The following GRIN2B variants were observed in gnomAD, a reference collection of about 807,000 sequenced individuals.
GRIN2B encodes glutamate ionotropic receptor NMDA type subunit 2B.
In GRIN2B, 5 loss-of-function variants were observed where a neutral mutation model predicts 114.5. The observed-to-expected ratio is 0.04, with a 90% CI of 0.02 to 0.09. GRIN2B has a LOEUF of 0.09. Ranked by LOEUF, GRIN2B falls within the 10% of genes least tolerant of loss-of-function variation. The probability of loss-of-function intolerance (pLI) is 1.00; values close to 1 mark genes in which losing one functional copy is unlikely to be tolerated. For synonymous variants in GRIN2B, 787 were observed against 745.1 expected (o/e 1.06, Z -0.92); for missense variants, 1,108 against 1,943.5 (o/e 0.57, Z 8.08).
intron 5 of GRIN2B, among the ~76,000 whole-genome samples, chr12:13,627,508 G>A (rs530255292): frequency 1.3e-5 from 2 of 152,234 alleles, no homozygotes; most frequent in Non-Finnish European, 2.9e-5. Flanking sequence ...GGTGGCAGTA[G>A]TGACATTTAT....
At chr12:13,847,617 G>T (rs949998856) in intron 3 of GRIN2B, among the ~76,000 whole-genome samples, 2 of 152,088 alleles carry the variant, frequency 1.3e-5, no homozygotes, top group East Asian at 3.9e-4. Context: ...CAGGAGATGG[G>T]GGGGAGGACA....
At chr12:13,710,409 T>A (rs1411045863) in intron 4 of GRIN2B, among the ~76,000 whole-genome samples, 1 of 152,006 alleles carries the variant, frequency 6.6e-6, no homozygotes, top group South Asian at 2.1e-4. Context: ...AAATAAAGGG[T>A]ATTCAATTAG....
At chr12:13,783,342 G>T (rs149356431) in intron 3 of GRIN2B, among the ~76,000 whole-genome samples, 1 of 152,180 alleles carries the variant, frequency 6.6e-6, no homozygotes, top group East Asian at 1.9e-4. Flanking sequence ...TCTACTTTCC[G>T]CTTATAGGCA....
intron 4 of GRIN2B, among the ~76,000 whole-genome samples, chr12:13,688,207 AAAAG>A (rs1407167484): frequency 3.9e-5 from 6 of 152,196 alleles, no homozygotes. Flanking sequence ...AGTAGAGAAG[AAAAG>A]AAAGAAGCCA....
At chr12:13,736,560 C>T (rs758269461) in intron 4 of GRIN2B, among the ~76,000 whole-genome samples, 4 of 151,862 alleles carry the variant, frequency 2.6e-5, no homozygotes, top group East Asian at 1.9e-4. Flanking sequence ...CTTTGTGTGT[C>T]GGTGATATGA....
chr12:13,835,505 C>T lies in GRIN2B; in HGVS notation c.411+30293G>A, dbSNP rs114593134. Among the ~76,000 whole-genome samples, 501 of 152,070 alleles carry T rather than the reference C, an allele frequency of 3.3e-3. 6 individuals are homozygous for T. Among genetic ancestry groups the T allele is most frequent in the South Asian group, 0.016 (79 of 4,796 alleles). On this transcript the variant is annotated intron_variant, in intron 3 of 13. Coordinates refer to ENST00000609686, the MANE Select transcript of GRIN2B (RefSeq NM_000834.5). ...AAAACAGAAATTCATTTGCTACCAGCCCAGCCCAGAAAAAAAACAGGCATC... is the reference window on the plus strand; with the variant it reads ...AAAACAGAAATTCATTTGCTACCAGTCCAGCCCAGAAAAAAAACAGGCATC...
chr12:13,650,171 C>T (rs1048023276), intron 5 of GRIN2B, among the ~76,000 whole-genome samples: 1 of 151,968 alleles, frequency 6.6e-6, no homozygotes, highest in Non-Finnish European at 1.5e-5. Context: ...TCTTCATCTC[C>T]CAATAATTAT....
intron 4 of GRIN2B, among the ~76,000 whole-genome samples, chr12:13,707,086 G>GC (rs1950366475): frequency 6.6e-6 from 1 of 150,588 alleles, no homozygotes; most frequent in Middle Eastern, 3.4e-3. Flanking sequence ...AGCATGAATG[G>GC]TAAAAAACAC....
intron 2 of GRIN2B, among the ~76,000 whole-genome samples, chr12:13,932,649 G>C (rs889307841): frequency 6.6e-6 from 1 of 152,136 alleles, no homozygotes; most frequent in Non-Finnish European, 1.5e-5. Flanking sequence ...GCCTTTCTAT[G>C]ATGCCTACCC....
chr12:13,682,013 TA>T (rs2034810950), intron 4 of GRIN2B, among the ~76,000 whole-genome samples: 1 of 152,144 alleles, frequency 6.6e-6, no homozygotes, highest in African/African-American at 2.4e-5. Flanking sequence ...TTAAAACTTT[TA>T]AAAGCTACCT....
intron 3 of GRIN2B, among the ~76,000 whole-genome samples, chr12:13,792,248 A>G (rs1007951761): frequency 6.6e-6 from 1 of 152,222 alleles, no homozygotes; most frequent in Admixed American, 6.5e-5. Context: ...GGCTCTGCAG[A>G]AGTCTATTTT....
intron 3 of GRIN2B, among the ~76,000 whole-genome samples, chr12:13,796,609 C>A (rs1417562301): frequency 6.6e-6 from 1 of 152,160 alleles, no homozygotes; most frequent in African/African-American, 2.4e-5. Context: ...AGACAATGAT[C>A]AACTCATTTA....
In GRIN2B at chr12:13,550,440, G is replaced by A. The variant is rs1948395523; in HGVS notation, c.*12343C>T. Reference sequence around the variant, plus strand: ...TGCCTGTTACCAAGAAATAACCAAAGTGAATGCGCTGATCACTGAAGGTGT... The same window carrying A: ...TGCCTGTTACCAAGAAATAACCAAAATGAATGCGCTGATCACTGAAGGTGT... On this transcript the variant is annotated 3_prime_UTR_variant, in exon 14 of 14. Coordinates refer to ENST00000609686, the MANE Select transcript of GRIN2B (RefSeq NM_000834.5). 1.3e-5 allele frequency: 2 copies of A among 152,190 alleles called. No individual in the cohort carries two copies. Among genetic ancestry groups the A allele is most frequent in the Admixed American group, 1.3e-4 (2 of 15,280 alleles). The allele number at this position is 152,190 out of a possible 1,614,324, so 9.4% of individuals were successfully genotyped here.
At chr12:13,939,837 G>T (rs560238758) in intron 2 of GRIN2B, among the ~76,000 whole-genome samples, 1 of 152,032 alleles carries the variant, frequency 6.6e-6, no homozygotes, top group Non-Finnish European at 1.5e-5. Context: ...GTCTCAGGTC[G>T]TTTATAACAA....
chr12:13,650,020 C>T (rs1949799279), intron 5 of GRIN2B, among the ~76,000 whole-genome samples: 1 of 152,058 alleles, frequency 6.6e-6, no homozygotes, highest in Non-Finnish European at 1.5e-5. Flanking sequence ...ATACACCATG[C>T]TGTGTGGTAG....
At chr12:13,745,569 C>T (rs1282192527) in intron 4 of GRIN2B, among the ~76,000 whole-genome samples, 1 of 152,218 alleles carries the variant, frequency 6.6e-6, no homozygotes, top group African/African-American at 2.4e-5. Context: ...GGCTTCTGTG[C>T]CTGCCCAGCC....
chr12:13,781,484 C>T (rs1236949743), intron 3 of GRIN2B, among the ~76,000 whole-genome samples: 1 of 152,174 alleles, frequency 6.6e-6, no homozygotes, highest in Non-Finnish European at 1.5e-5. Context: ...GTGGAACACA[C>T]TGATACACTG....
Position 13,753,933 on chromosome 12 carries a change from CA to C in GRIN2B, c.412-19del, listed in dbSNP as rs1294130903. The stretch of plus-strand genomic sequence containing the variant: ...GATTCATCCTAGAAAAAGAACAGGA[CA>C]AAAAAAGGAAGAGAGAAAAAAATCA... On this transcript the variant is annotated intron_variant, in intron 3 of 13. Coordinates refer to ENST00000609686, the MANE Select transcript of GRIN2B (RefSeq NM_000834.5). This position sits in a 1 kb window ranked among gnomAD's most constrained non-coding sequence, Gnocchi z 6.2. The C allele has an allele frequency of 5.3e-6, 8 of 1,519,226 alleles. No homozygotes were observed. The highest frequency in any genetic ancestry group is 1.1e-5 in the South Asian group (1 of 88,302). The allele number at this position is 1,519,226 out of a possible 1,614,324, so 94.1% of individuals were successfully genotyped here.
chr12:13,817,303 T>C (rs1864843470), intron 3 of GRIN2B, among the ~76,000 whole-genome samples: 1 of 151,226 alleles, frequency 6.6e-6, no homozygotes, highest in Non-Finnish European at 1.5e-5. Context: ...CCACAGCATG[T>C]ACTCTAGCTG....
Sources: gnomAD v4.1 joint callset for allele counts (sites outside exome capture counted in the v4.1 genomes callset) on GRCh38, gnomAD v4.1.1 for gene constraint, Gnocchi (gnomAD v3.1) non-coding constraint, MANE v1.5 for transcripts, NCBI Gene and HGNC (gene_info 2026-07-23, HGNC 2026-07-21) for gene names.